The following TAF12 variants were observed in gnomAD, a reference collection of about 807,000 sequenced individuals.
TAF12 encodes the protein TATA-box binding protein associated factor 12.
TAF12 carries 3 observed loss-of-function variants against 20.8 expected under a neutral mutation model. That is an observed-to-expected ratio of 0.14 (90% CI 0.07 to 0.37). The LOEUF is 0.37. Among genes scored for constraint, TAF12 ranks in the 10% least tolerant of loss-of-function variants. The pLI, the probability that TAF12 is intolerant of heterozygous loss-of-function variation, is 1.00. For missense variants in TAF12, 131 were observed against 197.9 expected, an observed-to-expected ratio of 0.66 and a Z score of 2.03; for synonymous variants, 69 against 70.2, an observed-to-expected ratio of 0.98 and a Z score of 0.09.
chr1:28,616,513 A>G (rs140810070), intron 3 of TAF12, among the ~76,000 whole-genome samples: 1,793 of 152,032 alleles, frequency 0.012, 33 homozygotes, highest in African/African-American at 0.041. Flanking sequence ...TGGGTGAATC[A>G]CCTGAGGTCA....
At chr1:28,607,445 C>A (rs1212410806) in intron 4 of TAF12, among the ~76,000 whole-genome samples, 1 of 152,024 alleles carries the variant, frequency 6.6e-6, no homozygotes, top group Non-Finnish European at 1.5e-5. Context: ...CCAAAGTGGG[C>A]GGATCACCTG....
At chr1:28,624,378 T>C (rs192249835) in intron 1 of TAF12, among the ~76,000 whole-genome samples, 74 of 152,284 alleles carry the variant, frequency 4.9e-4, no homozygotes, top group Non-Finnish European at 2.9e-5. Context: ...GTTGGCAATA[T>C]AAATGTCTAC....
intron 1 of TAF12, among the ~76,000 whole-genome samples, chr1:28,641,432 G>A (rs770558266): frequency 2.4e-4 from 36 of 151,742 alleles, no homozygotes; most frequent in Non-Finnish European, 4.1e-4. Context: ...GCAGTGAGCC[G>A]AGATCGTGCC....
chr1:28,606,146 C>CT (rs1334626049), intron 4 of TAF12, among the ~76,000 whole-genome samples: 1 of 152,010 alleles, frequency 6.6e-6, no homozygotes, highest in Non-Finnish European at 1.5e-5. Context: ...TTCCAGGCAT[C>CT]TGCCACTGCA....
At chr1:28,613,140 T>C in intron 4 of TAF12, 107 bp downstream of exon 4, 2 of 769,850 alleles carry the variant, frequency 2.6e-6, no homozygotes. Context: ...TAAATCCCAG[T>C]GCCCAAAAGT....
At chr1:28,625,797 T>C (rs1348855357) in intron 1 of TAF12, among the ~76,000 whole-genome samples, 1 of 151,780 alleles carries the variant, frequency 6.6e-6, no homozygotes, top group Non-Finnish European at 1.5e-5. Flanking sequence ...TGCCTCGGCC[T>C]CCCAAAGTGC....
chr1:28,624,737 ACT>A (rs1234668901), intron 1 of TAF12, among the ~76,000 whole-genome samples: 1 of 150,184 alleles, frequency 6.7e-6, no homozygotes, highest in Non-Finnish European at 1.5e-5. Context: ...ACAGAGCGAG[ACT>A]CTGTCTCAAA....
At chr1:28,641,475 A>AAAAAC (rs928784338) in intron 1 of TAF12, among the ~76,000 whole-genome samples, 21 of 152,106 alleles carry the variant, frequency 1.4e-4, no homozygotes, top group Admixed American at 3.9e-4. Context: ...TCTGTCTCAA[A>AAAAAC]AAAACAAAAC....
chr1:28,641,431 C>T (rs1358540985), intron 1 of TAF12, among the ~76,000 whole-genome samples: 2 of 151,596 alleles, frequency 1.3e-5, no homozygotes, highest in Admixed American at 1.3e-4. Context: ...TGCAGTGAGC[C>T]GAGATCGTGC....
At chr1:28,642,200 TTGAG>T (rs1204719756) in intron 1 of TAF12, among the ~76,000 whole-genome samples, 15 of 152,162 alleles carry the variant, frequency 9.9e-5, no homozygotes, top group Non-Finnish European at 2.1e-4. Flanking sequence ...GCTTCCTAGA[TTGAG>T]TATCTGACAC....
intron 1 of TAF12, among the ~76,000 whole-genome samples, chr1:28,639,863 A>G (rs1198310347): frequency 6.6e-6 from 1 of 150,802 alleles, no homozygotes; most frequent in East Asian, 1.9e-4. Flanking sequence ...TTTTTTTCAG[A>G]CAGAGTCTCA....
At chr1:28,607,868 G>T (rs1340586396) in intron 4 of TAF12, among the ~76,000 whole-genome samples, 3 of 151,952 alleles carry the variant, frequency 2.0e-5, no homozygotes, top group Non-Finnish European at 4.4e-5. Flanking sequence ...CAGGCACGAT[G>T]ATTCACACCT....
intron 5 of TAF12, among the ~76,000 whole-genome samples, chr1:28,604,196 C>T (rs950685504): frequency 5.8e-4 from 88 of 152,142 alleles, no homozygotes; most frequent in Non-Finnish European, 3.5e-4. Context: ...TGAGCCACTG[C>T]GCCTGGCCAA....
At chr1:28,611,321 A>AG (rs998619023) in intron 4 of TAF12, among the ~76,000 whole-genome samples, 5 of 152,114 alleles carry the variant, frequency 3.3e-5, no homozygotes, top group Admixed American at 1.3e-4. Context: ...CAGTGTTCTT[A>AG]GACCAGGCAT....
chr1:28,617,306 AT>A (rs1030277131), intron 3 of TAF12, among the ~76,000 whole-genome samples: 3 of 152,042 alleles, frequency 2.0e-5, no homozygotes, highest in African/African-American at 7.2e-5. Context: ...GCAAATTCAG[AT>A]TTGTCTGTGC....
chr1:28,608,326 T>C (rs897215557), intron 4 of TAF12, among the ~76,000 whole-genome samples: 5 of 149,020 alleles, frequency 3.4e-5, no homozygotes, highest in African/African-American at 5.0e-5. Context: ...GCGTGGGCGA[T>C]AGAGCAAGGC....
chr1:28,631,785 T>A (rs1007175760), intron 1 of TAF12, among the ~76,000 whole-genome samples: 13 of 152,226 alleles, frequency 8.5e-5, no homozygotes, highest in African/African-American at 2.6e-4. Flanking sequence ...ATGCAAATTT[T>A]AAAAAACATG....
At chr1:28,641,929 T>C (rs912191588) in intron 1 of TAF12, among the ~76,000 whole-genome samples, 1 of 152,074 alleles carries the variant, frequency 6.6e-6, no homozygotes, top group African/African-American at 2.4e-5. Flanking sequence ...ATGATCTAAC[T>C]AACCATTGCC....
chr1:28,603,346 C>A lies in TAF12; in HGVS notation c.*193G>T. ...TCTTTGAGATGGCAGGGAAAAGGGA[C>A]CGGAAGTTGGGGTAGGAGGCTTTAT... On this transcript the variant is annotated 3_prime_UTR_variant, in exon 6 of 6. Transcript: ENST00000373824. The A allele has an allele frequency of 1.8e-6, 1 of 568,590 alleles. No individual in the cohort carries two copies. Among genetic ancestry groups the A allele is most frequent in the African/African-American group, 1.9e-5 (1 of 53,402 alleles). The allele number at this position is 568,590 out of a possible 1,614,324, so 35.2% of individuals were successfully genotyped here.
Sources: allele counts gnomAD v4.1 joint callset (sites outside exome capture counted in the v4.1 genomes callset), GRCh38; gene constraint gnomAD v4.1.1; transcripts MANE v1.5; gene names NCBI Gene and HGNC (gene_info 2026-07-23, HGNC 2026-07-21).